The following TMEM117 variants were observed in gnomAD, a reference collection of about 807,000 sequenced individuals.
The protein encoded by TMEM117 is transmembrane protein 117.
In TMEM117, 27 loss-of-function variants were observed where a neutral mutation model predicts 52.4. That is an observed-to-expected ratio of 0.51 (90% confidence interval 0.38 to 0.71). TMEM117 has a LOEUF of 0.71. TMEM117 is among the 30% of genes least tolerant of loss of function. The pLI is 0.00. For missense variants in TMEM117, 556 were observed against 630.5 expected (o/e 0.88, Z 1.26); for synonymous variants, 215 against 206.3 (o/e 1.04, Z -0.36).
chr12:44,357,277 C>T (rs1336849785), intron 6 of TMEM117, among the ~76,000 whole-genome samples: 1 of 152,044 alleles, frequency 6.6e-6, no homozygotes, highest in Non-Finnish European at 1.5e-5. Context: ...ATGGCACCTG[C>T]CACAATTATG....
intron 3 of TMEM117, among the ~76,000 whole-genome samples, chr12:44,052,848 TTTCA>T (rs1165252996): frequency 6.6e-6 from 1 of 152,152 alleles, no homozygotes; most frequent in Non-Finnish European, 1.5e-5. Flanking sequence ...GTAGGCTCAC[TTTCA>T]TTCTAGGGGA....
chr12:44,225,979 A>G (rs73102937), intron 5 of TMEM117, among the ~76,000 whole-genome samples: 16,107 of 152,200 alleles, frequency 0.11, 933 homozygotes, highest in Middle Eastern at 0.2. Flanking sequence ...AAGAAACTCA[A>G]TTTATCTGAC....
At chr12:44,129,422 A>G (rs937352010) in intron 3 of TMEM117, among the ~76,000 whole-genome samples, 1 of 152,126 alleles carries the variant, frequency 6.6e-6, no homozygotes, top group Non-Finnish European at 1.5e-5. Context: ...TCAGCTCTGC[A>G]TGTCAGTGTC....
chr12:44,037,617 A>T (rs1001560372), intron 3 of TMEM117, among the ~76,000 whole-genome samples: 4 of 152,120 alleles, frequency 2.6e-5, no homozygotes, highest in Non-Finnish European at 4.4e-5. Flanking sequence ...ATGGGAACAT[A>T]TGATGCTTTT....
chr12:44,117,664 G>T (rs1389672752), intron 3 of TMEM117, among the ~76,000 whole-genome samples: 2 of 152,026 alleles, frequency 1.3e-5, no homozygotes, highest in African/African-American at 4.8e-5. Flanking sequence ...AAGAAAGAAA[G>T]TAATTCTAGA....
At chr12:44,000,555 A>G (rs1236726374) in intron 3 of TMEM117, among the ~76,000 whole-genome samples, 1 of 152,078 alleles carries the variant, frequency 6.6e-6, no homozygotes, top group African/African-American at 2.4e-5. Flanking sequence ...AGGGAGCCCC[A>G]ACTTTCTCAG....
At chr12:44,393,785 T>C (rs1304974259), downstream of TMEM117, among the ~76,000 whole-genome samples, 1 of 152,208 alleles carries the variant, frequency 6.6e-6, no homozygotes, top group Non-Finnish European at 1.5e-5. Flanking sequence ...ATTTACAATT[T>C]AAAGCATATG....
chr12:44,191,854 G>C (rs1175303058), intron 4 of TMEM117, among the ~76,000 whole-genome samples: 1 of 151,942 alleles, frequency 6.6e-6, no homozygotes, highest in Non-Finnish European at 1.5e-5. Context: ...TTTTCTATAA[G>C]TAATAGAATA....
intron 3 of TMEM117, among the ~76,000 whole-genome samples, chr12:43,959,488 A>G (rs968951735): frequency 6.6e-6 from 1 of 152,128 alleles, no homozygotes; most frequent in Non-Finnish European, 1.5e-5. Context: ...TGTTAAGTTC[A>G]CCATTTTCAA....
At chr12:44,331,095 G>A (rs886502873) in intron 6 of TMEM117, among the ~76,000 whole-genome samples, 2 of 151,744 alleles carry the variant, frequency 1.3e-5, no homozygotes, top group African/African-American at 4.8e-5. Flanking sequence ...GTCAATTTCT[G>A]TGTGGAGGTG....
chr12:44,097,743 A>G (rs534059258), intron 3 of TMEM117, among the ~76,000 whole-genome samples: 2 of 134,322 alleles, frequency 1.5e-5, no homozygotes, highest in Non-Finnish European at 3.0e-5. Context: ...GAGGGATAGC[A>G]TTAGGAGATA....
At chr12:44,367,305 GT>G in intron 6 of TMEM117, among the ~76,000 whole-genome samples, 1 of 152,038 alleles carries the variant, frequency 6.6e-6, no homozygotes, top group East Asian at 1.9e-4. Flanking sequence ...GAGCTCAAAG[GT>G]CTTATCAATA....
intron 2 of TMEM117, among the ~76,000 whole-genome samples, chr12:43,880,660 A>G (rs74673665): frequency 0.011 from 1,670 of 152,232 alleles, 26 homozygotes; most frequent in African/African-American, 0.037. Context: ...CCCTTGAGCC[A>G]TTTTCCACAG....
intron 2 of TMEM117, among the ~76,000 whole-genome samples, chr12:43,903,193 A>G (rs1944332754): frequency 6.6e-6 from 1 of 152,198 alleles, no homozygotes; most frequent in South Asian, 2.1e-4. Flanking sequence ...TTTGGGTACA[A>G]GTCAAGAAAA....
At chr12:43,838,085 G>A (rs1943060714) in intron 1 of TMEM117, among the ~76,000 whole-genome samples, 1 of 152,034 alleles carries the variant, frequency 6.6e-6, no homozygotes, top group Admixed American at 6.6e-5. Context: ...TAGACTAAAA[G>A]TAAGAAGTTC....
intron 2 of TMEM117, among the ~76,000 whole-genome samples, chr12:43,907,676 G>A (rs1944417394): frequency 6.6e-6 from 1 of 151,572 alleles, no homozygotes; most frequent in African/African-American, 2.4e-5. Context: ...TGAAAACCAA[G>A]GCTCGAGAAC....
intron 3 of TMEM117, among the ~76,000 whole-genome samples, chr12:43,990,123 A>T (rs1269040135): frequency 6.6e-6 from 1 of 152,156 alleles, no homozygotes; most frequent in Non-Finnish European, 1.5e-5. Flanking sequence ...AAATTGATTT[A>T]AAAAACTCTT....
At chr12:44,376,346 G>A (rs1951940615) in intron 6 of TMEM117, 10 of 522,672 alleles carry the variant, frequency 1.9e-5, no homozygotes, top group South Asian at 9.9e-5. Context: ...AATCAATTCT[G>A]TATTGGTTTC....
intron 6 of TMEM117, among the ~76,000 whole-genome samples, chr12:44,354,230 A>T (rs953319948): frequency 5.3e-5 from 8 of 152,112 alleles, no homozygotes; most frequent in Admixed American, 1.3e-4. Flanking sequence ...CAATCATGTC[A>T]TCTGCAAACA....
Sources: gnomAD v4.1 joint callset for allele counts (sites outside exome capture counted in the v4.1 genomes callset) on GRCh38, gnomAD v4.1.1 for gene constraint, MANE v1.5 for transcripts, NCBI Gene and HGNC (gene_info 2026-07-23, HGNC 2026-07-21) for gene names.